LTBP1: variants seen among roughly 807,000 people sequenced by gnomAD.
The protein encoded by LTBP1 is latent transforming growth factor beta binding protein 1, also known as latent-transforming growth factor beta-binding protein 1.
LTBP1 carries 129 observed loss-of-function variants against 207.6 expected under a neutral mutation model. That is an observed-to-expected ratio of 0.62 (90% CI 0.54 to 0.72). LTBP1 has a LOEUF of 0.72. Ranked by LOEUF, LTBP1 falls within the 30% of genes least tolerant of loss-of-function variation. The pLI is 0.00. For missense variants in LTBP1, 2,281 were observed against 2,217.2 expected (o/e 1.03, Z -0.58); for synonymous variants, 963 against 833.7 (o/e 1.16, Z -2.67).
chr2:33,074,553 G>A lies in LTBP1; in HGVS notation c.864-36029G>A, dbSNP rs1007739594. ...AGAGTTCGAGACCAGCCTCGCCAACGAAAACCCTGTCTCTACTAAAAATAC... is the reference window on the plus strand; with the variant it reads ...AGAGTTCGAGACCAGCCTCGCCAACAAAAACCCTGTCTCTACTAAAAATAC... On this transcript the variant is annotated intron_variant, in intron 3 of 33. Transcript: ENST00000404816. Among the ~76,000 whole-genome samples the A allele has an allele frequency of 3.9e-5, 6 of 152,096 alleles. No homozygotes were observed. In the East Asian group the frequency reaches 7.8e-4, roughly 20 times the overall value.
chr2:32,955,732 A>G (rs943091337), intron 2 of LTBP1, among the ~76,000 whole-genome samples: 3 of 152,174 alleles, frequency 2.0e-5, no homozygotes, highest in African/African-American at 7.2e-5. Context: ...AAGTACAATG[A>G]TTTATACATA....
At position 33,082,115 on chromosome 2, in the gene LTBP1, G is replaced by A. The variant is rs1305332158; in HGVS notation, c.864-28467G>A. Among the ~76,000 whole-genome samples, 5 of 152,154 alleles carry A rather than the reference G, an allele frequency of 3.3e-5. No individual in the cohort carries two copies. The East Asian group carries it at 5.8e-4, about 18-fold the overall frequency. ...GAGGTGATTAGGCCGTGAGGGTTTC[G>A]TCCTCATGAATGGATTAATGACACT... On this transcript the variant is annotated intron_variant, in intron 3 of 33. Coordinates refer to ENST00000404816, the MANE Select transcript of LTBP1 (RefSeq NM_206943.4).
chr2:33,221,167 A>G (rs2091075806), intron 8 of LTBP1, among the ~76,000 whole-genome samples: 1 of 152,180 alleles, frequency 6.6e-6, no homozygotes, highest in African/African-American at 2.4e-5. Flanking sequence ...ATGGCATTTG[A>G]CACTTTGGGA....
rs1193717224 is a variant in LTBP1 at position 33,397,256 on chromosome 2, T to C, written c.4958T>C (p.Leu1653Ser). ...YTCDCFDGYH[L>S]DTAKMTCVDV... ...TGCGATTGCTTTGATGGGTATCACT[T>C]GGATACGGCCAAGATGACCTGTGTC... is the stretch of plus-strand genomic sequence containing the variant. The change falls in exon 33 of 34, where the codon TTG becomes TCG. Residue 1653 changes from leucine (L) to serine (S), a missense_variant. Transcript: ENST00000404816. 3 of 1,614,162 alleles carry C rather than the reference T, an allele frequency of 1.9e-6. No individual in the cohort carries two copies.
At chr2:33,267,758 G>A (rs1187745076) in intron 15 of LTBP1, among the ~76,000 whole-genome samples, 2 of 152,190 alleles carry the variant, frequency 1.3e-5, no homozygotes, top group Non-Finnish European at 2.9e-5. Flanking sequence ...GCTTTGTAGA[G>A]GTTAAGTTCA....
chr2:33,173,514 T>C (rs570140012), intron 5 of LTBP1, among the ~76,000 whole-genome samples: 1,643 of 152,244 alleles, frequency 0.011, 29 homozygotes, highest in African/African-American at 0.037. Context: ...CAATAATCAC[T>C]AGCTTACCAA....
intron 23 of LTBP1, among the ~76,000 whole-genome samples, chr2:33,310,164 G>C (rs937607488): frequency 3.3e-5 from 5 of 152,046 alleles, no homozygotes; most frequent in Non-Finnish European, 7.4e-5. Context: ...GGCCAGGCTG[G>C]TGTTGAACAC....
intron 2 of LTBP1, among the ~76,000 whole-genome samples, chr2:32,994,546 A>G (rs756699626): frequency 6.6e-6 from 1 of 151,408 alleles, no homozygotes; most frequent in Non-Finnish European, 1.5e-5. Flanking sequence ...GGCTCACAGC[A>G]ACCTCTGCCT....
chr2:33,188,957 G>A, intron 7 of LTBP1, 106 bp downstream of exon 7: 1 of 1,276,558 alleles, frequency 7.8e-7, no homozygotes, highest in Non-Finnish European at 1.1e-6. Context: ...AAAAGGCTTT[G>A]ACAAACTATG....
intron 23 of LTBP1, among the ~76,000 whole-genome samples, chr2:33,314,028 A>G (rs2094225752): frequency 6.6e-6 from 1 of 152,190 alleles, no homozygotes; most frequent in Admixed American, 6.5e-5. Context: ...TCCATGTGTT[A>G]TCAGTGTTTG....
intron 4 of LTBP1, among the ~76,000 whole-genome samples, chr2:33,116,998 C>G (rs1352406147): frequency 6.6e-6 from 1 of 152,208 alleles, no homozygotes; most frequent in African/African-American, 2.4e-5. Flanking sequence ...GTGCTGCCCT[C>G]TCTCAGTCTT....
chr2:33,107,598 T>G (rs1396781998), intron 3 of LTBP1, among the ~76,000 whole-genome samples: 2 of 152,214 alleles, frequency 1.3e-5, no homozygotes, highest in Admixed American at 1.3e-4. Flanking sequence ...GGAGGGGCAC[T>G]TTGGGCATTG....
intron 24 of LTBP1, among the ~76,000 whole-genome samples, chr2:33,315,541 G>T (rs1231877930): frequency 6.6e-6 from 1 of 152,220 alleles, no homozygotes; most frequent in Non-Finnish European, 1.5e-5. Flanking sequence ...AGGACTGATA[G>T]GAGACATGTA....
At chr2:33,390,169 G>A (rs2095303276) in intron 32 of LTBP1, among the ~76,000 whole-genome samples, 1 of 152,124 alleles carries the variant, frequency 6.6e-6, no homozygotes, top group Non-Finnish European at 1.5e-5. Context: ...TTGGTGAGGG[G>A]ATTTATGGAG....
At chr2:33,135,380 T>TA (rs1263100828) in intron 5 of LTBP1, among the ~76,000 whole-genome samples, 2 of 152,244 alleles carry the variant, frequency 1.3e-5, no homozygotes, top group African/African-American at 4.8e-5. Context: ...TTGAAGTTTT[T>TA]ACTTCAAAAA....
At chr2:33,103,868 C>T (rs112800127) in intron 3 of LTBP1, among the ~76,000 whole-genome samples, 367 of 152,148 alleles carry the variant, frequency 2.4e-3, no homozygotes, top group African/African-American at 8.3e-3. Flanking sequence ...GAAGAACTGG[C>T]CCTGGCAGCC....
At chr2:32,999,033 C>G (rs1368242778) in intron 2 of LTBP1, among the ~76,000 whole-genome samples, 1 of 152,224 alleles carries the variant, frequency 6.6e-6, no homozygotes, top group African/African-American at 2.4e-5. Context: ...CCCACCCAGA[C>G]TTACTAGAAA....
intron 31 of LTBP1, among the ~76,000 whole-genome samples, chr2:33,367,329 T>C (rs1259786596): frequency 6.6e-6 from 1 of 152,210 alleles, no homozygotes; most frequent in East Asian, 1.9e-4. Context: ...TCTCTTAAAA[T>C]AGATGAAAGT....
intron 3 of LTBP1, chr2:33,056,341 T>C (rs1332052351): frequency 1.6e-6 from 2 of 1,230,840 alleles, no homozygotes; most frequent in East Asian, 2.8e-5. Flanking sequence ...ATTTATTTGC[T>C]TTTGGCTTTG....
Sources: gnomAD v4.1 joint callset for allele counts (sites outside exome capture counted in the v4.1 genomes callset) on GRCh38, gnomAD v4.1.1 for gene constraint, MANE v1.5 for transcripts, NCBI Gene and HGNC (gene_info 2026-07-23, HGNC 2026-07-21) for gene names.